Variants in FGFR3 observed in about 807,000 individuals in gnomAD.
FGFR3 encodes the protein FGFR-3.
Under a neutral mutation model 82.9 loss-of-function variants are expected in FGFR3, and 25 were observed. The observed-to-expected ratio is 0.30, with a 90% CI of 0.22 to 0.42. FGFR3 has a LOEUF of 0.42. FGFR3 is among the 10% of genes least tolerant of loss of function. FGFR3 has a pLI of 1.00. For synonymous variants in FGFR3, 620 were observed against 516.0 expected (o/e 1.20, Z -2.73); for missense variants, 1,026 against 1,161.0 (o/e 0.88, Z 1.69).
intron 7 of FGFR3, 98 bp from the exon 8 acceptor site, chr4:1,803,594 C>T (rs548731148): frequency 5.2e-6 from 8 of 1,532,174 alleles, no homozygotes; most frequent in African/African-American, 2.7e-5. Flanking sequence ...GTGGTGGCGG[C>T]GTTTTCCTTG....
At chr4:1,802,826 C>A in intron 7 of FGFR3, 1 of 1,458,754 alleles carries the variant, frequency 6.9e-7, no homozygotes, top group East Asian at 2.8e-5. Context: ...CAGCCTCGAT[C>A]TGTACCTTGG....
At chr4:1,804,782 G>T (rs1328808652) in intron 9 of FGFR3, 42 bp from the exon 10 acceptor site, 2 of 1,548,400 alleles carry the variant, frequency 1.3e-6, no homozygotes, top group Non-Finnish European at 1.7e-6. Context: ...TCCACGCCCT[G>T]TCGCCCACGC....
intron 2 of FGFR3, among the ~76,000 whole-genome samples, chr4:1,798,591 G>A (rs1378645713): frequency 9.9e-5 from 13 of 130,902 alleles, no homozygotes; most frequent in Non-Finnish European, 9.4e-5. Flanking sequence ...CGGTGAACCC[G>A]CGCATCGCCC....
intron 8 of FGFR3, 25 bp downstream of exon 8, chr4:1,803,861 G>C (rs2108794062): frequency 6.2e-7 from 1 of 1,605,524 alleles, no homozygotes; most frequent in Non-Finnish European, 8.5e-7. Context: ...TGCTGCTGCT[G>C]CTCCGCACTG....
rs1721177396 is a variant in FGFR3, at chr4:1,801,539, G to C, written c.615+3G>C. The C allele has an allele frequency of 1.3e-6, 2 of 1,574,890 alleles. No individual in the cohort carries two copies. The highest frequency in any genetic ancestry group is 2.7e-5 in the African/African-American group (2 of 74,186). Reference sequence around the variant, plus strand: ...AGCACCGCATTGGAGGCATCAAGGTGGGCGCGGCGGGGTGGCTCTGGGCCT... The same window carrying C: ...AGCACCGCATTGGAGGCATCAAGGTCGGCGCGGCGGGGTGGCTCTGGGCCT... On this transcript the variant is annotated splice_donor_region_variant and intron_variant, in intron 5 of 17. Transcript: ENST00000440486.
Position 1,807,283 on chromosome 4 carries a change from A to G in FGFR3, c.*21A>G. ...CGTGAAGGGCCACTGGTCCCCAACA[A>G]TGTGAGGGGTCCCTAGCAGCCCACC... is the stretch of plus-strand genomic sequence containing the variant. On this transcript the variant is annotated 3_prime_UTR_variant, in exon 18 of 18. Coordinates refer to ENST00000440486, the MANE Select transcript of FGFR3 (RefSeq NM_000142.5). 2.5e-6 allele frequency: 4 copies of G among 1,582,520 alleles called. No homozygotes were observed. Among genetic ancestry groups the G allele is most frequent in the South Asian group, 2.3e-5 (2 of 87,358 alleles).
chr4:1,807,393 G>T lies in FGFR3; in HGVS notation c.*131G>T. 8.9e-7 allele frequency: 1 copy of T among 1,118,256 alleles called. No homozygotes were observed. The highest frequency in any genetic ancestry group is 1.2e-6 in the Non-Finnish European group (1 of 829,200). 69.3% of individuals were successfully genotyped at this position (1,118,256 alleles called of 1,614,324 possible). A position where few individuals can be genotyped will look rare whatever the true frequency, so the allele number is the denominator to read the frequency against. ...ACACAGAGCTTTGGTCTGTGTGTGT[G>T]TGTGTGCGTGTGTGTGTGTGTGTGT... On this transcript the variant is annotated 3_prime_UTR_variant, in exon 18 of 18. Transcript: ENST00000440486.
Position 1,801,354 on chromosome 4 carries a change from C to A in FGFR3, c.446-13C>A, listed in dbSNP as rs928462113. ...ACTCGGGTCATGGCCTTCACACGCACCTCGGCCCGCAGGGGCCCCTTACTG... is the reference window on the plus strand; with the variant it reads ...ACTCGGGTCATGGCCTTCACACGCAACTCGGCCCGCAGGGGCCCCTTACTG... On this transcript the variant is annotated splice_polypyrimidine_tract_variant and intron_variant, in intron 4 of 17. Coordinates refer to ENST00000440486, the MANE Select transcript of FGFR3 (RefSeq NM_000142.5). 3.9e-6 allele frequency: 6 copies of A among 1,549,704 alleles called. No homozygotes were observed. The highest frequency in any genetic ancestry group is 4.4e-6 in the Non-Finnish European group (5 of 1,149,422).
intron 2 of FGFR3, among the ~76,000 whole-genome samples, chr4:1,797,838 C>T (rs910061346): frequency 2.0e-5 from 3 of 152,150 alleles, no homozygotes; most frequent in African/African-American, 7.2e-5. Flanking sequence ...ACCCTGGGCA[C>T]TAGGCGTGTG....
chr4:1,797,332 C>T (rs1720632821), intron 2 of FGFR3, among the ~76,000 whole-genome samples: 1 of 152,164 alleles, frequency 6.6e-6, no homozygotes, highest in Admixed American at 6.5e-5. Flanking sequence ...ACCTGGTGCT[C>T]GCCACCCAGC....
chr4:1,804,285 T>TA (rs750031483), intron 8 of FGFR3, 45 bp from the exon 9 acceptor site: 11 of 1,298,596 alleles, frequency 8.5e-6, no homozygotes, highest in African/African-American at 1.5e-5. Flanking sequence ...GGGAGCCCCG[T>TA]GGGGGGGGGG....
intron 3 of FGFR3, 45 bp from the exon 4 acceptor site, chr4:1,799,701 TC>T (rs1720962768): frequency 6.2e-7 from 1 of 1,608,956 alleles, no homozygotes; most frequent in African/African-American, 1.3e-5. Context: ...CCTGGGGGCC[TC>T]CTGGGGCAGG....
At position 1,807,383 on chromosome 4, in the gene FGFR3, CTGTGTGTGTGTGTGTGCG is replaced by C. The variant is rs1409621004; in HGVS notation, c.*138_*155del. On this transcript the variant is annotated 3_prime_UTR_variant, in exon 18 of 18. Transcript: ENST00000440486. ...AGAGACAGCTACACAGAGCTTTGGT[CTGTGTGTGTGTGTGTGCG>C]TGTGTGTGTGTGTGTGTGCACATCC... 119 of 1,224,042 alleles carry C rather than the reference CTGTGTGTGTGTGTGTGCG, an allele frequency of 9.7e-5. 1 individual carries two copies. The highest frequency in any genetic ancestry group is 1.2e-4 in the Non-Finnish European group (107 of 918,294). The allele number at this position is 1,224,042 out of a possible 1,614,324, so 75.8% of individuals were successfully genotyped here. A position where few individuals can be genotyped will look rare whatever the true frequency, so the allele number is the denominator to read the frequency against.
chr4:1,802,220 G>A lies in FGFR3; in HGVS notation c.930+195G>A, dbSNP rs531250587. ...GCCATAGGCAGCTGCGTTGGGACCCGTTTCCGTGTCTGCAGAGGGCCAGCC... is the reference window on the plus strand; with the variant it reads ...GCCATAGGCAGCTGCGTTGGGACCCATTTCCGTGTCTGCAGAGGGCCAGCC... On this transcript the variant is annotated intron_variant, in intron 7 of 17. Transcript: ENST00000440486. Among the ~76,000 whole-genome samples, 8 of 152,304 alleles carry A rather than the reference G, an allele frequency of 5.3e-5. No homozygotes were observed. The East Asian group carries it at 1.2e-3, about 22-fold the overall frequency.
chr4:1,801,563 C>T (rs2108781200), intron 5 of FGFR3, 27 bp downstream of exon 5: 1 of 1,577,420 alleles, frequency 6.3e-7, no homozygotes, highest in Non-Finnish European at 8.6e-7. Flanking sequence ...GGCTCTGGGC[C>T]TGGCAGGCGC....
At chr4:1,794,950 A>G (rs1720302170) in intron 2 of FGFR3, among the ~76,000 whole-genome samples, 1 of 151,646 alleles carries the variant, frequency 6.6e-6, no homozygotes, top group South Asian at 2.1e-4. Flanking sequence ...ACGCGGCCAC[A>G]GACCGCGCAT....
At chr4:1,804,706 T>G (rs751029629) in intron 9 of FGFR3, 118 bp from the exon 10 acceptor site, 2 of 1,438,180 alleles carry the variant, frequency 1.4e-6, no homozygotes, top group Non-Finnish European at 1.9e-6. Flanking sequence ...CTAAAAATCT[T>G]CATTCAATGC....
chr4:1,800,839 G>T (rs1251728218), intron 4 of FGFR3, among the ~76,000 whole-genome samples: 3 of 152,218 alleles, frequency 2.0e-5, no homozygotes, highest in African/African-American at 7.2e-5. Flanking sequence ...GATGGGAGGA[G>T]GCAGGGCCTC....
intron 2 of FGFR3, among the ~76,000 whole-genome samples, chr4:1,798,537 CCCCCG>C (rs2108769488): frequency 6.6e-6 from 1 of 151,474 alleles, no homozygotes; most frequent in African/African-American, 2.4e-5. Flanking sequence ...GGAGCCCCCA[CCCCCG>C]CCCCGGCCCC....
Sources: allele counts gnomAD v4.1 joint callset (sites outside exome capture counted in the v4.1 genomes callset), GRCh38; gene constraint gnomAD v4.1.1; transcripts MANE v1.5; gene names NCBI Gene and HGNC (gene_info 2026-07-23, HGNC 2026-07-21).